The following CLVS1 variants were observed in gnomAD, a reference collection of about 807,000 sequenced individuals.
CLVS1 encodes clavesin-1.
CLVS1 carries 10 observed loss-of-function variants against 33.1 expected under a neutral mutation model. The ratio of observed to expected loss-of-function variants is 0.30; its 90% confidence interval spans 0.19 to 0.51. CLVS1 has a LOEUF of 0.51. Ranked by LOEUF, CLVS1 falls within the 20% of genes least tolerant of loss-of-function variation. CLVS1 has a pLI of 0.97. For missense variants in CLVS1, 343 were observed against 433.4 expected, an observed-to-expected ratio of 0.79 and a Z score of 1.85; for synonymous variants, 163 against 166.1, an observed-to-expected ratio of 0.98 and a Z score of 0.14.
chr8:61,269,011 C>T (rs1229783599), intron 2 of CLVS1, among the ~76,000 whole-genome samples: 1 of 140,310 alleles, frequency 7.1e-6, no homozygotes, highest in East Asian at 2.1e-4. Flanking sequence ...TGCAGAAGCT[C>T]TTTAGTTTAA....
At chr8:61,482,456 G>GA (rs1222962071) in intron 5 of CLVS1, among the ~76,000 whole-genome samples, 1 of 152,104 alleles carries the variant, frequency 6.6e-6, no homozygotes, top group Non-Finnish European at 1.5e-5. Flanking sequence ...TAAAAACCTT[G>GA]AAAAAAGATT....
rs1188954415 is a variant in CLVS1, at chr8:61,434,283, C to G, written c.631-19858C>G. ...AATTCAGACACAGAATTTAGAAGGC[C>G]ACATCTAAAGTTACATGTAAAGAAA... On this transcript the variant is annotated intron_variant, in intron 3 of 5. Transcript: ENST00000325897. 2.6e-5 allele frequency among the ~76,000 whole-genome samples: 4 copies of G among 152,050 alleles called. No individual in the cohort carries two copies. In the East Asian group the frequency reaches 7.7e-4, roughly 29 times the overall value.
chr8:61,250,475 G>A (rs1808915656), intron 2 of CLVS1, among the ~76,000 whole-genome samples: 1 of 152,148 alleles, frequency 6.6e-6, no homozygotes, highest in African/African-American at 2.4e-5. Flanking sequence ...GTAGCTTGAT[G>A]GGGATAGCAT....
chr8:61,123,193 C>G (rs1385390767), intron 1 of CLVS1, among the ~76,000 whole-genome samples: 1 of 142,766 alleles, frequency 7.0e-6, no homozygotes, highest in African/African-American at 2.6e-5. Flanking sequence ...CACTTGAACT[C>G]GGGAGGCGGA....
At chr8:61,247,473 C>T (rs1022879419) in intron 2 of CLVS1, among the ~76,000 whole-genome samples, 1 of 152,094 alleles carries the variant, frequency 6.6e-6, no homozygotes, top group African/African-American at 2.4e-5. Flanking sequence ...TATTTTTTGA[C>T]TTTTTAATAA....
chr8:61,097,096 C>T (rs1006543814), intron 1 of CLVS1, among the ~76,000 whole-genome samples: 2 of 151,890 alleles, frequency 1.3e-5, no homozygotes, highest in African/African-American at 2.4e-5. Context: ...CGTGGTGGCT[C>T]ATGCATGTAA....
chr8:61,461,727 G>T (rs1010479097), intron 5 of CLVS1, among the ~76,000 whole-genome samples: 8 of 152,072 alleles, frequency 5.3e-5, no homozygotes, highest in Admixed American at 3.9e-4. Flanking sequence ...TCTTAGGAAG[G>T]TTCCTCTGAG....
intron 2 of CLVS1, among the ~76,000 whole-genome samples, chr8:61,187,858 A>G (rs1048034524): frequency 1.1e-4 from 17 of 150,288 alleles, no homozygotes; most frequent in Non-Finnish European, 5.9e-5. Context: ...CATATATGTA[A>G]TATTTATTTA....
intron 3 of CLVS1, among the ~76,000 whole-genome samples, chr8:61,388,509 G>A (rs1482353348): frequency 6.6e-6 from 1 of 151,784 alleles, no homozygotes; most frequent in African/African-American, 2.4e-5. Flanking sequence ...TTGTCTTTGT[G>A]GAACTTAATT....
At chr8:61,114,420 T>C (rs1382137758) in intron 1 of CLVS1, among the ~76,000 whole-genome samples, 1 of 152,214 alleles carries the variant, frequency 6.6e-6, no homozygotes, top group African/African-American at 2.4e-5. Context: ...AGACAAATGC[T>C]CTCAGGTAGT....
chr8:61,362,203 A>G (rs924060583), intron 2 of CLVS1, among the ~76,000 whole-genome samples: 1 of 152,346 alleles, frequency 6.6e-6, no homozygotes, highest in East Asian at 1.9e-4. Context: ...TTCCTGTGGT[A>G]GGAAGGTCTC....
chr8:61,012,671 C>A, the CLVS1 span, among the ~76,000 whole-genome samples: 1 of 152,196 alleles, frequency 6.6e-6, no homozygotes, highest in South Asian at 2.1e-4. Context: ...TGTGAGTCCT[C>A]GTCCAGCTTC....
At chr8:61,260,004 C>A (rs542171012) in intron 2 of CLVS1, among the ~76,000 whole-genome samples, 1 of 152,302 alleles carries the variant, frequency 6.6e-6, no homozygotes, top group East Asian at 1.9e-4. Context: ...TCCCTTCACA[C>A]GTGTTGCCTC....
intron 2 of CLVS1, among the ~76,000 whole-genome samples, chr8:61,324,812 A>G (rs1444071070): frequency 2.6e-5 from 4 of 152,130 alleles, no homozygotes; most frequent in Admixed American, 6.6e-5. Flanking sequence ...GTCTTCCACA[A>G]TGGCTGAATT....
chr8:60,990,279 A>C, the CLVS1 span, among the ~76,000 whole-genome samples: 1 of 152,336 alleles, frequency 6.6e-6, no homozygotes, highest in African/African-American at 2.4e-5. Flanking sequence ...CAGTTTTGCC[A>C]AAATCAGGGA....
chr8:61,234,494 T>C (rs1373918346), intron 2 of CLVS1, among the ~76,000 whole-genome samples: 1 of 152,094 alleles, frequency 6.6e-6, no homozygotes, highest in Admixed American at 6.5e-5. Context: ...AGTGCATATA[T>C]CCGGTCACAA....
the CLVS1 span, among the ~76,000 whole-genome samples, chr8:60,984,489 C>T: frequency 2.6e-4 from 39 of 151,928 alleles, no homozygotes; most frequent in Admixed American, 5.2e-4. Context: ...CACCATGCTC[C>T]GCTAATTTTT....
intron 1 of CLVS1, among the ~76,000 whole-genome samples, chr8:61,296,041 T>A (rs1039955160): frequency 5.9e-5 from 9 of 152,204 alleles, no homozygotes; most frequent in Non-Finnish European, 1.2e-4. Flanking sequence ...GTCCTTTATG[T>A]GAACAAAAGA....
chr8:61,253,578 CT>C (rs1808999594), intron 2 of CLVS1, among the ~76,000 whole-genome samples: 1 of 152,188 alleles, frequency 6.6e-6, no homozygotes, highest in African/African-American at 2.4e-5. Context: ...TAGATTTGGT[CT>C]TTTCACATAG....
Sources: allele counts gnomAD v4.1 joint callset (sites outside exome capture counted in the v4.1 genomes callset), GRCh38; gene constraint gnomAD v4.1.1; transcripts MANE v1.5; gene names NCBI Gene and HGNC (gene_info 2026-07-23, HGNC 2026-07-21).